The following DNAJC1 variants were observed in gnomAD, a reference collection of about 807,000 sequenced individuals.
DNAJC1 encodes the protein dnaJ homolog subfamily C member 1.
In DNAJC1, 58 loss-of-function variants were observed where a neutral mutation model predicts 76.6. The observed-to-expected ratio is 0.76, with a 90% confidence interval of 0.61 to 0.94. The LOEUF is 0.94. Ranked by LOEUF, DNAJC1 falls within the 40% of genes least tolerant of loss-of-function variation. DNAJC1 has a pLI of 0.00. For missense variants in DNAJC1, 689 were observed against 677.3 expected (o/e 1.02, Z -0.19); for synonymous variants, 258 against 267.9 (o/e 0.96, Z 0.36).
intron 8 of DNAJC1, among the ~76,000 whole-genome samples, chr10:21,810,987 TACC>T (rs1361305583): frequency 6.6e-6 from 1 of 152,248 alleles, no homozygotes; most frequent in Non-Finnish European, 1.5e-5. Flanking sequence ...TTTACCCAGC[TACC>T]ACGGGGTACT....
intron 7 of DNAJC1, among the ~76,000 whole-genome samples, chr10:21,883,383 C>G (rs1251386473): frequency 1.3e-5 from 2 of 151,770 alleles, no homozygotes; most frequent in Non-Finnish European, 2.9e-5. Flanking sequence ...TTTTCACCAC[C>G]CCATGTGTAC....
intron 8 of DNAJC1, among the ~76,000 whole-genome samples, chr10:21,819,453 C>T (rs552841630): frequency 5.3e-5 from 8 of 151,570 alleles, no homozygotes; most frequent in East Asian, 1.9e-4. Context: ...TTGTTGGTCA[C>T]GCTTTGAAAT....
chr10:21,803,193 C>T (rs1472905519), intron 9 of DNAJC1, among the ~76,000 whole-genome samples: 1 of 152,080 alleles, frequency 6.6e-6, no homozygotes, highest in Non-Finnish European at 1.5e-5. Flanking sequence ...CACTGGCACA[C>T]ACTCACCTCT....
intron 8 of DNAJC1, among the ~76,000 whole-genome samples, chr10:21,857,635 G>C (rs1229204392): frequency 2.0e-5 from 3 of 152,138 alleles, no homozygotes; most frequent in Non-Finnish European, 4.4e-5. Context: ...GTGTGTATAT[G>C]TATCCATACC....
chr10:21,968,889 C>T (rs915553609), intron 1 of DNAJC1, among the ~76,000 whole-genome samples: 3 of 151,682 alleles, frequency 2.0e-5, no homozygotes, highest in African/African-American at 7.3e-5. Flanking sequence ...GCTGTCATTC[C>T]CTGTTTGTGC....
intron 1 of DNAJC1, among the ~76,000 whole-genome samples, chr10:21,974,000 G>A (rs1838024231): frequency 6.6e-6 from 1 of 151,656 alleles, no homozygotes; most frequent in African/African-American, 2.4e-5. Context: ...TACTTGGGAG[G>A]CTGAGGCAGG....
At chr10:21,966,568 C>T (rs552920358) in intron 1 of DNAJC1, among the ~76,000 whole-genome samples, 9 of 151,696 alleles carry the variant, frequency 5.9e-5, no homozygotes, top group Non-Finnish European at 1.3e-4. Flanking sequence ...TTTATTTTAT[C>T]CTACAGGTTA....
chr10:21,803,262 T>C (rs1277719225), intron 9 of DNAJC1, among the ~76,000 whole-genome samples: 1 of 152,076 alleles, frequency 6.6e-6, no homozygotes, highest in Admixed American at 6.6e-5. Flanking sequence ...GCTACAAATT[T>C]GGCAAGGAAA....
rs185773156 is a variant in DNAJC1, at chr10:21,769,966, G to A, written c.1099-3657C>T. On this transcript the variant is annotated intron_variant, in intron 9 of 11. Coordinates refer to ENST00000376980, the MANE Select transcript of DNAJC1 (RefSeq NM_022365.4). The stretch of plus-strand genomic sequence containing the variant: ...CTCCCAAAGTGCTGGGATTACAGGC[G>A]TGAGCCACTGCGCCCGGCCTAAACT... Among the ~76,000 whole-genome samples, 78 of 152,252 alleles carry A rather than the reference G, an allele frequency of 5.1e-4. No individual in the cohort carries two copies. In the East Asian group the frequency reaches 0.015, roughly 29 times the overall value.
chr10:21,955,336 T>C (rs1837660220), intron 1 of DNAJC1, among the ~76,000 whole-genome samples: 1 of 152,148 alleles, frequency 6.6e-6, no homozygotes, highest in South Asian at 2.1e-4. Flanking sequence ...AGGTAAAAAT[T>C]ATATGAGGGG....
intron 8 of DNAJC1, among the ~76,000 whole-genome samples, chr10:21,841,087 T>G (rs1835567283): frequency 6.6e-6 from 1 of 152,330 alleles, no homozygotes; most frequent in African/African-American, 2.4e-5. Flanking sequence ...CCTTACACCT[T>G]ATACAAACAT....
At chr10:21,985,822 T>G (rs1838236950) in intron 1 of DNAJC1, among the ~76,000 whole-genome samples, 2 of 152,212 alleles carry the variant, frequency 1.3e-5, no homozygotes, top group Non-Finnish European at 2.9e-5. Context: ...TGAATAATGC[T>G]GCAATGAACA....
At chr10:21,960,683 C>G (rs1460526209) in intron 1 of DNAJC1, among the ~76,000 whole-genome samples, 1 of 152,078 alleles carries the variant, frequency 6.6e-6, no homozygotes, top group East Asian at 1.9e-4. Context: ...GAGGGAAGAC[C>G]CTGCCTCCAA....
At chr10:21,839,014 G>C (rs1251243822) in intron 8 of DNAJC1, among the ~76,000 whole-genome samples, 1 of 152,190 alleles carries the variant, frequency 6.6e-6, no homozygotes, top group Non-Finnish European at 1.5e-5. Flanking sequence ...GGTAAATAAA[G>C]AAAGGAAGGC....
At chr10:21,839,859 A>G (rs1479667023) in intron 8 of DNAJC1, among the ~76,000 whole-genome samples, 1 of 152,222 alleles carries the variant, frequency 6.6e-6, no homozygotes, top group East Asian at 1.9e-4. Flanking sequence ...TCAGTAACAT[A>G]CTGGCAAACC....
At chr10:21,886,050 G>T (rs1323368516) in intron 7 of DNAJC1, among the ~76,000 whole-genome samples, 1 of 151,772 alleles carries the variant, frequency 6.6e-6, no homozygotes, top group Non-Finnish European at 1.5e-5. Context: ...TCCAAGAATG[G>T]ATTTTAAAAA....
chr10:21,868,405 G>A (rs1030533267), intron 8 of DNAJC1, among the ~76,000 whole-genome samples: 1 of 151,882 alleles, frequency 6.6e-6, no homozygotes, highest in African/African-American at 2.4e-5. Context: ...TTACAGGCGT[G>A]AGCCACCATG....
chr10:21,783,799 G>T (rs1437581210), intron 9 of DNAJC1, among the ~76,000 whole-genome samples: 2 of 151,940 alleles, frequency 1.3e-5, no homozygotes, highest in Non-Finnish European at 1.5e-5. Flanking sequence ...CAAGAAATGG[G>T]GAAAGGATTC....
chr10:21,921,051 G>C, intron 3 of DNAJC1, 88 bp from the exon 4 acceptor site: 1 of 1,190,124 alleles, frequency 8.4e-7, no homozygotes, highest in Non-Finnish European at 1.2e-6. Flanking sequence ...AAAGGAAAAA[G>C]AAAACAAATT....
Sources: allele counts gnomAD v4.1 joint callset (sites outside exome capture counted in the v4.1 genomes callset), GRCh38; gene constraint gnomAD v4.1.1; transcripts MANE v1.5; gene names NCBI Gene and HGNC (gene_info 2026-07-23, HGNC 2026-07-21).